AGAP1: variants seen among roughly 807,000 people sequenced by gnomAD.
AGAP1 encodes the protein arf-GAP with GTPase, ANK repeat and PH domain-containing protein 1.
A neutral mutation model predicts 105.3 loss-of-function variants in AGAP1; 29 were observed. The observed-to-expected ratio is 0.28, with a 90% confidence interval of 0.21 to 0.38. AGAP1 has a LOEUF of 0.38. Among genes scored for constraint, AGAP1 ranks in the 10% least tolerant of loss-of-function variants. AGAP1 has a pLI of 1.00. For synonymous variants in AGAP1, 509 were observed against 485.9 expected (o/e 1.05, Z -0.63); for missense variants, 998 against 1,165.1 (o/e 0.86, Z 2.09).
intron 1 of AGAP1, among the ~76,000 whole-genome samples, chr2:235,509,522 C>T (rs1473730297): frequency 6.6e-6 from 1 of 152,094 alleles, no homozygotes; most frequent in Non-Finnish European, 1.5e-5. Flanking sequence ...TGTGAGCCAC[C>T]ACGCCCGGCC....
rs922229494 is a variant in AGAP1 at position 235,574,084 on chromosome 2, T to C, written c.163+79235T>C. The stretch of plus-strand genomic sequence containing the variant: ...CCTGGGTGCCTTGGGGCCTGTCCTA[T>C]CTGAGGTCCACAGCCTGCAGGGACA... On this transcript the variant is annotated intron_variant, in intron 1 of 17. Transcript: ENST00000304032. The surrounding 1 kb of genome is among the most constrained non-coding windows in gnomAD (Gnocchi z 5.0). Among the ~76,000 whole-genome samples the C allele has an allele frequency of 6.6e-6, 1 of 152,220 alleles. No individual in the cohort carries two copies. Among genetic ancestry groups the C allele is most frequent in the Admixed American group, 6.5e-5 (1 of 15,290 alleles).
intron 13 of AGAP1, among the ~76,000 whole-genome samples, chr2:235,978,774 G>A (rs1193390246): frequency 6.6e-6 from 1 of 152,090 alleles, no homozygotes; most frequent in Admixed American, 6.5e-5. Flanking sequence ...AGCACAGCAG[G>A]GCCATGCCCA....
intron 11 of AGAP1, among the ~76,000 whole-genome samples, chr2:235,914,712 T>C (rs1219961673): frequency 6.6e-6 from 1 of 152,140 alleles, no homozygotes; most frequent in African/African-American, 2.4e-5. Context: ...CTGGGGCTCA[T>C]GCATTGAGGA....
At chr2:235,706,895 TAACAG>T (rs1439710022) in intron 1 of AGAP1, among the ~76,000 whole-genome samples, 1 of 152,234 alleles carries the variant, frequency 6.6e-6, no homozygotes, top group African/African-American at 2.4e-5. Flanking sequence ...GAGTAGTCGA[TAACAG>T]AAAGAAGTGT....
Position 235,692,140 on chromosome 2 carries a change from C to T in AGAP1, c.164-17039C>T, listed in dbSNP as rs777439365. ...TTCATCTAAGAAGCTTTTGTACATG[C>T]GTTATGTATCCATAAGCCAAAGCCG... is the stretch of plus-strand genomic sequence containing the variant. On this transcript the variant is annotated intron_variant, in intron 1 of 17. Transcript: ENST00000304032. The surrounding 1 kb of genome is among the most constrained non-coding windows in gnomAD (Gnocchi z 5.8). Among the ~76,000 whole-genome samples the T allele has an allele frequency of 2.6e-5, 4 of 152,080 alleles. No homozygotes were observed. Among genetic ancestry groups the T allele is most frequent in the Admixed American group, 1.3e-4 (2 of 15,254 alleles).
In AGAP1 at chr2:235,963,733, G is replaced by A. The variant is rs1250932147; in HGVS notation, c.1484-4729G>A. On this transcript the variant is annotated intron_variant, in intron 12 of 17. Coordinates refer to ENST00000304032, the MANE Select transcript of AGAP1 (RefSeq NM_001037131.3). The surrounding 1 kb of genome is among the most constrained non-coding windows in gnomAD (Gnocchi z 5.1). ...GTTCACCATCTTTTTCATTGATGTGGATGGATATATGGGAGTATATGCTCA... is the reference window on the plus strand; with the variant it reads ...GTTCACCATCTTTTTCATTGATGTGAATGGATATATGGGAGTATATGCTCA... 2.0e-5 allele frequency among the ~76,000 whole-genome samples: 3 copies of A among 152,148 alleles called. No individual in the cohort carries two copies. Among genetic ancestry groups the A allele is most frequent in the African/African-American group, 7.2e-5 (3 of 41,430 alleles).
At chr2:235,773,585 G>A (rs1955626619) in intron 6 of AGAP1, among the ~76,000 whole-genome samples, 1 of 152,166 alleles carries the variant, frequency 6.6e-6, no homozygotes, top group African/African-American at 2.4e-5. Flanking sequence ...TTAGTTCTAG[G>A]AAGTCAGCGT....
At chr2:236,032,507 A>C (rs1371735399) in intron 13 of AGAP1, among the ~76,000 whole-genome samples, 7 of 152,196 alleles carry the variant, frequency 4.6e-5, no homozygotes, top group African/African-American at 1.7e-4. Flanking sequence ...AAGACTAAGC[A>C]CAGCCCATGG....
In AGAP1 at chr2:235,783,414, T is replaced by C. The variant is rs1348265970; in HGVS notation, c.674-14345T>C. Reference sequence around the variant, plus strand: ...AGAGAAGTTATTGATAATCAGGTGTTGCTTTCTTTGTGGTAGGACATCACC... The same window carrying C: ...AGAGAAGTTATTGATAATCAGGTGTCGCTTTCTTTGTGGTAGGACATCACC... On this transcript the variant is annotated intron_variant, in intron 6 of 17. Transcript: ENST00000304032. The C allele has an allele frequency of 3.4e-5, 16 of 470,732 alleles. No homozygotes were observed. In the Admixed American group the frequency reaches 3.5e-4, roughly 10 times the overall value. The allele number at this position is 470,732 out of a possible 1,614,324, so 29.2% of individuals were successfully genotyped here.
chr2:235,562,303 A>G (rs747481373), intron 1 of AGAP1, among the ~76,000 whole-genome samples: 3 of 151,924 alleles, frequency 2.0e-5, no homozygotes, highest in Non-Finnish European at 2.9e-5. Flanking sequence ...ACGTGATTAT[A>G]CTTTTTGTCT....
rs888967676 is a variant in AGAP1, at chr2:235,944,683, G to A, written c.1483+13760G>A. On this transcript the variant is annotated intron_variant, in intron 12 of 17. Coordinates refer to ENST00000304032, the MANE Select transcript of AGAP1 (RefSeq NM_001037131.3). ...CTGACTGTGTGTCCAGAGGCACCAC[G>A]TCAGTGTCTCTTTGCCAGAGCCTTT... 2.0e-5 allele frequency among the ~76,000 whole-genome samples: 3 copies of A among 152,176 alleles called. No individual in the cohort carries two copies. In the East Asian group the frequency reaches 5.8e-4, roughly 29 times the overall value.
intron 10 of AGAP1, among the ~76,000 whole-genome samples, chr2:235,890,350 C>A (rs960763460): frequency 6.6e-6 from 1 of 151,964 alleles, no homozygotes; most frequent in Non-Finnish European, 1.5e-5. Flanking sequence ...TGGGATTTCA[C>A]CATGTTGCCC....
At chr2:235,670,677 C>A in intron 1 of AGAP1, 1 of 677,346 alleles carries the variant, frequency 1.5e-6, no homozygotes. Context: ...GCGGCCGGGA[C>A]CACCCTGGAG....
At position 236,125,059 on chromosome 2, in the gene AGAP1, T is replaced by C. The variant is rs1236924832; in HGVS notation, c.*937T>C. 1 of 166,484 alleles carries C rather than the reference T, an allele frequency of 6.0e-6. No homozygotes were observed. Among genetic ancestry groups the C allele is most frequent in the African/African-American group, 2.4e-5 (1 of 41,468 alleles). The allele number at this position is 166,484 out of a possible 1,614,324, so 10.3% of individuals were successfully genotyped here. On this transcript the variant is annotated 3_prime_UTR_variant, in exon 18 of 18. Coordinates refer to ENST00000304032, the MANE Select transcript of AGAP1 (RefSeq NM_001037131.3). The surrounding 1 kb of genome is among the most constrained non-coding windows in gnomAD (Gnocchi z 5.2). ...TCAGCTAATAATAGCATTTCGAGTA[T>C]ATTTCGTAAACTAAGGAAATACACA... is the stretch of plus-strand genomic sequence containing the variant.
chr2:235,972,355 G>T (rs556148521), intron 13 of AGAP1, among the ~76,000 whole-genome samples: 2 of 152,276 alleles, frequency 1.3e-5, no homozygotes, highest in South Asian at 2.1e-4. Flanking sequence ...ATTTATCAGG[G>T]TCCTTTGAAT....
rs1159545650 is a variant in AGAP1 at position 235,970,492 on chromosome 2, C to T, written c.1645+1869C>T. 6.6e-6 allele frequency among the ~76,000 whole-genome samples: 1 copy of T among 152,106 alleles called. No individual in the cohort carries two copies. Among genetic ancestry groups the T allele is most frequent in the Non-Finnish European group, 1.5e-5 (1 of 68,028 alleles). ...GGTGGGCAGCCTGTACCCTCCACGC[C>T]CCTAAGGTGCACACACAGGGGCGGG... On this transcript the variant is annotated intron_variant, in intron 13 of 17. Coordinates refer to ENST00000304032, the MANE Select transcript of AGAP1 (RefSeq NM_001037131.3). The surrounding 1 kb of genome is among the most constrained non-coding windows in gnomAD (Gnocchi z 5.4).
chr2:235,707,472 A>AACCCC (rs1950593577), intron 1 of AGAP1, among the ~76,000 whole-genome samples: 1 of 22,408 alleles, frequency 4.5e-5, no homozygotes, highest in African/African-American at 9.8e-5. Context: ...CCTCCCCATG[A>AACCCC]CCCCCCCCCC....
intron 12 of AGAP1, among the ~76,000 whole-genome samples, chr2:235,935,732 A>G (rs1454859395): frequency 1.3e-5 from 2 of 152,200 alleles, no homozygotes; most frequent in Admixed American, 6.5e-5. Flanking sequence ...GTTCTCTTGA[A>G]TCTTATTGGA....
At position 235,787,953 on chromosome 2, in the gene AGAP1, A is replaced by G. The variant is rs1956750096; in HGVS notation, c.674-9806A>G. Reference sequence around the variant, plus strand: ...ACCAAGAGCAAGCAAGGCCAAGAGCATTGTAAGACCAAGAGCATGACCATG... The same window carrying G: ...ACCAAGAGCAAGCAAGGCCAAGAGCGTTGTAAGACCAAGAGCATGACCATG... On this transcript the variant is annotated intron_variant, in intron 6 of 17. Coordinates refer to ENST00000304032, the MANE Select transcript of AGAP1 (RefSeq NM_001037131.3). This position sits in a 1 kb window ranked among gnomAD's most constrained non-coding sequence, Gnocchi z 4.4. Among the ~76,000 whole-genome samples the G allele has an allele frequency of 6.6e-6, 1 of 152,122 alleles. No homozygotes were observed. Among genetic ancestry groups the G allele is most frequent in the Admixed American group, 6.5e-5 (1 of 15,280 alleles).
Sources: allele counts gnomAD v4.1 joint callset (sites outside exome capture counted in the v4.1 genomes callset), GRCh38; gene constraint gnomAD v4.1.1; non-coding constraint Gnocchi (gnomAD v3.1); transcripts MANE v1.5; gene names NCBI Gene and HGNC (gene_info 2026-07-23, HGNC 2026-07-21).